LAMA5: variants seen among roughly 807,000 people sequenced by gnomAD.
LAMA5 encodes the protein laminin subunit alpha 5.
LAMA5 carries 260 observed loss-of-function variants against 433.4 expected under a neutral mutation model. That is an observed-to-expected ratio of 0.60 (90% CI 0.54 to 0.66). The LOEUF (loss-of-function observed/expected upper bound fraction) is 0.66. Among genes scored for constraint, LAMA5 ranks in the 30% least tolerant of loss-of-function variants. The probability of loss-of-function intolerance (pLI) is 0.00; values close to 1 mark genes in which losing one functional copy is unlikely to be tolerated. For synonymous variants in LAMA5, 2,620 were observed against 2,226.6 expected (o/e 1.18, Z -4.97); for missense variants, 5,378 against 5,258.5 (o/e 1.02, Z -0.70).
chr20:62,324,539 A>C lies in LAMA5; in HGVS notation c.5545T>G (p.Phe1849Val), dbSNP rs1978915632. 1 of 1,611,384 alleles carries C rather than the reference A, an allele frequency of 6.2e-7. No homozygotes were observed. The highest frequency in any genetic ancestry group is 1.7e-5 in the Admixed American group (1 of 59,854). ...AAGAGACCTTTGACGTCCCGATAGAAGCCGGGGGCACATTCCTGAGGGTGT... is the reference window on the plus strand; with the variant it reads ...AAGAGACCTTTGACGTCCCGATAGACGCCGGGGGCACATTCCTGAGGGTGT... Reference protein sequence around the residue: ...GDSCQECAPGFYRDVKGLFLG... With the variant: ...GDSCQECAPGVYRDVKGLFLG... Residue 1849 changes from phenylalanine to valine, a missense_variant, in exon 42 of 80, where the codon TTC becomes GTC. By Grantham distance (50) the Phe-to-Val change is conservative. Coordinates refer to ENST00000252999, the MANE Select transcript of LAMA5 (RefSeq NM_005560.6). The surrounding 1 kb of genome is among the most constrained non-coding windows in gnomAD (Gnocchi z 4.4).
At chr20:62,336,852 A>AG in intron 16 of LAMA5, 66 bp from the exon 17 acceptor site, 5 of 1,524,330 alleles carry the variant, frequency 3.3e-6, no homozygotes, top group Non-Finnish European at 4.5e-6. Context: ...AGGGTGTCCC[A>AG]GGCCCAGCCA....
Position 62,309,115 on chromosome 20 carries a change from T to G in LAMA5, c.*221A>C, listed in dbSNP as rs1985754622. 8 of 608,544 alleles carry G rather than the reference T, an allele frequency of 1.3e-5. No individual in the cohort carries two copies. Among genetic ancestry groups the G allele is most frequent in the Non-Finnish European group, 1.9e-5 (7 of 361,228 alleles). The allele number at this position is 608,544 out of a possible 1,614,324, so 37.7% of individuals were successfully genotyped here. A position where few individuals can be genotyped will look rare whatever the true frequency, so the allele number is the denominator to read the frequency against. On this transcript the variant is annotated 3_prime_UTR_variant, in exon 80 of 80. Coordinates refer to ENST00000252999, the MANE Select transcript of LAMA5 (RefSeq NM_005560.6). ...TTAAGGAGGAACCAGTGATGATTGG[T>G]GACAAATCTCTCACAATTAAAAATG...
chr20:62,316,671 C>T lies in LAMA5; in HGVS notation c.7756G>A (p.Val2586Met). The change falls in exon 57 of 80, where the codon GTG becomes ATG. Residue 2586 changes from valine (V) to methionine (M), a missense_variant and splice_region_variant. Transcript: ENST00000252999. ...MLQEQQRLGL[V>M]WAALQGARTQ... ...GCCCCCATCGGAGCCCAGCACTCAC[C>T]AAGGCCCAGCCTCTGCTGTTCCTGG... is the stretch of plus-strand genomic sequence containing the variant. 1.3e-6 allele frequency: 2 copies of T among 1,587,362 alleles called. No homozygotes were observed. The highest frequency in any genetic ancestry group is 1.7e-6 in the Non-Finnish European group (2 of 1,163,574).
chr20:62,319,213 C>T, intron 51 of LAMA5, 200 bp from the exon 52 acceptor site: 1 of 587,470 alleles, frequency 1.7e-6, no homozygotes, highest in Non-Finnish European at 3.0e-6. Flanking sequence ...TCCTGCAGTG[C>T]CTCCAACACC....
intron 1 of LAMA5, among the ~76,000 whole-genome samples, chr20:62,363,362 T>C (rs1483139455): frequency 4.6e-5 from 7 of 152,310 alleles, no homozygotes; most frequent in Admixed American, 3.9e-4. Flanking sequence ...GGGATAAGGC[T>C]GCACCTGCCT....
chr20:62,336,368 C>T lies in LAMA5; in HGVS notation c.2295G>A (p.Leu765=). 6.2e-7 allele frequency: 1 copy of T among 1,612,132 alleles called. No individual in the cohort carries two copies. The highest frequency in any genetic ancestry group is 8.5e-7 in the Non-Finnish European group (1 of 1,179,494). ...TACAGCCCTCGGGGTTGCTGGGGCT[C>T]AGTCCCCAGAACCCAGGTTTGCAGC... ...CDRCKPGFWG[L]SPSNPEGCTR... is the part of the protein sequence containing the mutation. The change falls in exon 18 of 80, where the codon CTG becomes CTA. Residue 765 remains leucine, a synonymous_variant. Coordinates refer to ENST00000252999, the MANE Select transcript of LAMA5 (RefSeq NM_005560.6).
chr20:62,337,130 C>T (rs915411103), intron 16 of LAMA5: 12 of 569,416 alleles, frequency 2.1e-5, no homozygotes, highest in Non-Finnish European at 3.7e-5. Context: ...CCCACACGCC[C>T]GTGAAAGGAC....
intron 63 of LAMA5, 82 bp from the exon 64 acceptor site, chr20:62,313,542 C>T: frequency 1.3e-6 from 2 of 1,562,488 alleles, no homozygotes; most frequent in East Asian, 2.3e-5. Context: ...CAGACTACAG[C>T]AGGACGGACT....
Position 62,362,548 on chromosome 20 carries a change from T to G in LAMA5, c.302A>C (p.Gln101Pro). Residue 101 changes from glutamine to proline, a missense_variant, in exon 2 of 80, where the codon CAG (glutamine) becomes CCG (proline). Coordinates refer to ENST00000252999, the MANE Select transcript of LAMA5 (RefSeq NM_005560.6). Reference sequence around the variant, plus strand: ...GGCAGCCGTGCAGATGTCACAGTACTGGCCCTGCAGAGGGAACGGGAGGGT... The same window carrying G: ...GGCAGCCGTGCAGATGTCACAGTACGGGCCCTGCAGAGGGAACGGGAGGGT... Reference protein sequence around the residue: ...GGDPNQTIRGQYCDICTAANS... With the variant: ...GGDPNQTIRGPYCDICTAANS... The G allele has an allele frequency of 6.4e-7, 1 of 1,570,264 alleles. No homozygotes were observed. Among genetic ancestry groups the G allele is most frequent in the Middle Eastern group, 1.8e-4 (1 of 5,640 alleles).
chr20:62,352,796 A>AC (rs1338138963), intron 3 of LAMA5, among the ~76,000 whole-genome samples: 2 of 152,028 alleles, frequency 1.3e-5, no homozygotes, highest in East Asian at 3.9e-4. Flanking sequence ...AGTACTCTTG[A>AC]CGCAGGTGGC....
rs765261620 is a variant in LAMA5 at position 62,312,554 on chromosome 20, G to T, written c.9228-22C>A. The T allele has an allele frequency of 2.5e-6, 4 of 1,599,214 alleles. No homozygotes were observed. The South Asian group carries it at 4.4e-5, about 18-fold the overall frequency. On this transcript the variant is annotated intron_variant, in intron 67 of 79. Coordinates refer to ENST00000252999, the MANE Select transcript of LAMA5 (RefSeq NM_005560.6). ...CAGGCTGTGGGGAAGCGGGGATGCG[G>T]GTCAGGGCGCCACCTCCAAGCCCAG... is the stretch of plus-strand genomic sequence containing the variant.
In LAMA5 at chr20:62,312,762, C is replaced by T. The variant is rs200518890; in HGVS notation, c.9097G>A (p.Gly3033Arg). The T allele has an allele frequency of 1.3e-6, 2 of 1,589,918 alleles. No individual in the cohort carries two copies. Among genetic ancestry groups the T allele is most frequent in the Non-Finnish European group, 1.7e-6 (2 of 1,170,482 alleles). ...ACCAGCACACGCTTGCGGCTGCCCCCCAGCAGGAACACCTGGATCTACAGG... is the reference window on the plus strand; with the variant it reads ...ACCAGCACACGCTTGCGGCTGCCCCTCAGCAGGAACACCTGGATCTACAGG... ...ASKAIQVFLL[G>R]GSRKRVLVRV... Residue 3033 changes from glycine to arginine, a missense_variant, in exon 67 of 80, where the codon GGG becomes AGG. Gly to Arg is a moderately radical substitution (Grantham distance 125). Transcript: ENST00000252999.
chr20:62,310,357 C>T (rs1026356130), intron 76 of LAMA5, 46 bp from the exon 77 acceptor site: 1 of 1,570,676 alleles, frequency 6.4e-7, no homozygotes, highest in African/African-American at 1.4e-5. Context: ...GGCCCCTCCC[C>T]AGAACCTCCT....
At chr20:62,351,626 TAGGCAGGGGTGACAAGGAC>T in intron 6 of LAMA5, 59 bp downstream of exon 6, 1 of 1,413,166 alleles carries the variant, frequency 7.1e-7, no homozygotes. Context: ...ACCCTCAGGT[TAGGCAGGGGTGACAAGGAC>T]AGGCAGGGAG....
intron 1 of LAMA5, among the ~76,000 whole-genome samples, chr20:62,363,993 C>T (rs754561254): frequency 1.7e-4 from 26 of 152,180 alleles, no homozygotes; most frequent in Non-Finnish European, 3.2e-4. Flanking sequence ...ATTTCCTTTA[C>T]TGCATGTATG....
At position 62,352,333 on chromosome 20, in the gene LAMA5, A is replaced by C; in HGVS notation, c.596T>G (p.Phe199Cys). 1 of 1,599,418 alleles carries C rather than the reference A, an allele frequency of 6.3e-7. No homozygotes were observed. The highest frequency in any genetic ancestry group is 2.2e-5 in the East Asian group (1 of 44,834). ...ASSKRDCLERFGPQTLERITR... is the reference protein window; with the variant it reads ...ASSKRDCLERCGPQTLERITR... The stretch of plus-strand genomic sequence containing the variant: ...GATGCGCTCCAGCGTCTGTGGCCCG[A>C]ACCGCTCCAGACAGTCCCTCTTGGA... Residue 199 changes from phenylalanine (F) to cysteine (C), a missense_variant, in exon 4 of 80, where the codon TTC becomes TGC. Physicochemically the swap from Phe to Cys is radical, Grantham distance 205. Transcript: ENST00000252999.
In LAMA5 at chr20:62,327,274, C is replaced by T. The variant is rs758070332; in HGVS notation, c.5071G>A (p.Glu1691Lys). ...VPEAVPEAFPELYWQAPPSYL... is the reference protein window; with the variant it reads ...VPEAVPEAFPKLYWQAPPSYL... ...GAGGGTGGGGCCTGCCAGTACAGCT[C>T]GGGGAAAGCCTCGGGCACAGCCTCA... Residue 1691 changes from glutamate (E) to lysine (K), a missense_variant, in exon 38 of 80, where the codon GAG becomes AAG. Glu to Lys is a moderately conservative substitution (Grantham distance 56). Transcript: ENST00000252999. The T allele has an allele frequency of 1.5e-5, 24 of 1,562,092 alleles. No individual in the cohort carries two copies. Among genetic ancestry groups the T allele is most frequent in the East Asian group, 2.3e-5 (1 of 44,036 alleles).
chr20:62,349,623 A>G (rs1252020752), intron 6 of LAMA5, among the ~76,000 whole-genome samples: 2 of 79,672 alleles, frequency 2.5e-5, no homozygotes, highest in Non-Finnish European at 4.8e-5. Flanking sequence ...GCATTTCAGG[A>G]AGGAGGAAGC....
At chr20:62,343,492 C>T (rs1982901830) in intron 11 of LAMA5, among the ~76,000 whole-genome samples, 1 of 152,108 alleles carries the variant, frequency 6.6e-6, no homozygotes, top group Admixed American at 6.6e-5. Flanking sequence ...ATAGGTGATA[C>T]AGGCTGGGCG....
Sources: gnomAD v4.1 joint callset for allele counts (sites outside exome capture counted in the v4.1 genomes callset) on GRCh38, gnomAD v4.1.1 for gene constraint, Gnocchi (gnomAD v3.1) non-coding constraint, MANE v1.5 for transcripts, NCBI Gene and HGNC (gene_info 2026-07-23, HGNC 2026-07-21) for gene names.